ACOT1: variants seen among roughly 807,000 people sequenced by gnomAD.
The protein encoded by ACOT1 is acyl-CoA thioesterase 1, also known as acyl-coenzyme A thioesterase 1.
A neutral mutation model predicts 15.7 loss-of-function variants in ACOT1; 8 were observed. That is an observed-to-expected ratio of 0.51 (90% CI 0.30 to 0.92). ACOT1 has a LOEUF of 0.92. ACOT1 is among the 40% of genes least tolerant of loss of function. The pLI, the probability that ACOT1 is intolerant of heterozygous loss-of-function variation, is 0.06. For synonymous variants in ACOT1, 67 were observed against 241.2 expected, an observed-to-expected ratio of 0.28 and a Z score of 6.69; for missense variants, 151 against 539.4, an observed-to-expected ratio of 0.28 and a Z score of 7.13.
the ACOT1 span, among the ~76,000 whole-genome samples, chr14:73,529,354 C>CAAAAAA: frequency 1.1e-5 from 1 of 87,422 alleles, no homozygotes; most frequent in African/African-American, 4.5e-5. Context: ...GACTCTGTCT[C>CAAAAAA]AAAAAAAAAA....
chr14:73,499,064 A>G, the ACOT1 span: 14 of 1,613,152 alleles, frequency 8.7e-6, no homozygotes, highest in South Asian at 7.7e-5. Flanking sequence ...CACTACTTCT[A>G]TAATACCTCG....
the ACOT1 span, chr14:73,493,124 T>G: frequency 1.9e-6 from 3 of 1,612,708 alleles, no homozygotes; most frequent in Non-Finnish European, 2.5e-6. Context: ...AACCATCTCA[T>G]CTAGGTACAA....
chr14:73,519,111 C>T, the ACOT1 span: 1 of 1,613,872 alleles, frequency 6.2e-7, no homozygotes, highest in African/African-American at 1.3e-5. Context: ...TTAGGTTTTC[C>T]AGGACAATCT....
At chr14:73,519,145 T>C in the ACOT1 span, 1 of 1,613,284 alleles carries the variant, frequency 6.2e-7, no homozygotes, top group Non-Finnish European at 8.5e-7. Context: ...ACCAATCTGG[T>C]GGATGATCTG....
chr14:73,528,158 GCTGAGGTGGGCAGATCAC>G, the ACOT1 span, among the ~76,000 whole-genome samples: 1 of 152,054 alleles, frequency 6.6e-6, no homozygotes, highest in Non-Finnish European at 1.5e-5. Flanking sequence ...ACTTTGGGAG[GCTGAGGTGGGCAGATCAC>G]CTGAGGTCAG....
rs185735776 is a variant in ACOT1, at chr14:73,539,451, C to T, written c.457+1573C>T. On this transcript the variant is annotated intron_variant, in intron 1 of 2. Transcript: ENST00000311148. ...GGACTCCAGGTGCTGCTCTACCCAGCGGTGCTTCTCACCCACACAGTGGTC... is the reference window on the plus strand; with the variant it reads ...GGACTCCAGGTGCTGCTCTACCCAGTGGTGCTTCTCACCCACACAGTGGTC... The T allele has an allele frequency of 3.0e-4, 36 of 121,740 alleles. 11 individuals carry two copies. The highest frequency in any genetic ancestry group is 5.1e-4 in the Non-Finnish European group (29 of 56,398). 7.5% of individuals were successfully genotyped at this position (121,740 alleles called of 1,614,324 possible).
the ACOT1 span, chr14:73,495,422 C>T: frequency 1.3e-6 from 2 of 1,562,958 alleles, no homozygotes; most frequent in South Asian, 1.1e-5. Context: ...AAAAACAAAA[C>T]AAAACACCTG....
chr14:73,530,794 A>ATTTTTTTT, the ACOT1 span, among the ~76,000 whole-genome samples: 2 of 57,788 alleles, frequency 3.5e-5, no homozygotes, highest in Non-Finnish European at 6.4e-5. Context: ...TCTCGGTTAA[A>ATTTTTTTT]TTTTTTTTTT....
the ACOT1 span, among the ~76,000 whole-genome samples, chr14:73,504,938 T>C: frequency 1.3e-5 from 2 of 152,018 alleles, no homozygotes; most frequent in African/African-American, 4.8e-5. Context: ...ACAGTTGGTT[T>C]GTTTTTTTTT....
chr14:73,505,350 A>T, the ACOT1 span, among the ~76,000 whole-genome samples: 6 of 151,854 alleles, frequency 4.0e-5, no homozygotes, highest in Non-Finnish European at 8.8e-5. Context: ...TTCCTACCAT[A>T]GTGTTAATTT....
At chr14:73,493,845 AAAAC>A in the ACOT1 span, among the ~76,000 whole-genome samples, 119 of 152,328 alleles carry the variant, frequency 7.8e-4, 2 homozygotes, top group South Asian at 0.024. Context: ...CTCAAAAACA[AAAAC>A]AAAAACAAAA....
chr14:73,504,595 G>A, the ACOT1 span, among the ~76,000 whole-genome samples: 1 of 152,106 alleles, frequency 6.6e-6, no homozygotes, highest in Non-Finnish European at 1.5e-5. Flanking sequence ...GCTGGTCCAG[G>A]ACTTTAGCAG....
At chr14:73,498,434 T>G in the ACOT1 span, 1 of 1,131,836 alleles carries the variant, frequency 8.8e-7, no homozygotes, top group Non-Finnish European at 1.2e-6. Flanking sequence ...AAACAATACC[T>G]TCCCTTTTGG....
the ACOT1 span, chr14:73,498,940 G>A: frequency 1.3e-6 from 1 of 755,808 alleles, no homozygotes; most frequent in Middle Eastern, 2.4e-4. Flanking sequence ...TTCAGACAAG[G>A]AACTTCTGAA....
chr14:73,513,491 C>T, the ACOT1 span, among the ~76,000 whole-genome samples: 4 of 151,254 alleles, frequency 2.6e-5, no homozygotes, highest in African/African-American at 4.9e-5. Flanking sequence ...GCGCGGTGGC[C>T]AAGGCGGGCA....
At chr14:73,491,345 C>T in the ACOT1 span, 3 of 1,441,502 alleles carry the variant, frequency 2.1e-6, no homozygotes, top group African/African-American at 1.5e-5. Context: ...GGAGGCCTCG[C>T]CCGCCGCGCG....
the ACOT1 span, among the ~76,000 whole-genome samples, chr14:73,517,655 G>A: frequency 8.3e-6 from 1 of 120,200 alleles, no homozygotes; most frequent in South Asian, 3.0e-4. Context: ...GAAACAGAGT[G>A]AGACCCTGTC....
At chr14:73,508,392 T>C in the ACOT1 span, 1 of 950,048 alleles carries the variant, frequency 1.1e-6, no homozygotes, top group Non-Finnish European at 1.6e-6. Context: ...CCCCACCTGA[T>C]ATCTCACTTC....
chr14:73,522,988 G>T, the ACOT1 span: 1 of 1,614,108 alleles, frequency 6.2e-7, no homozygotes, highest in Non-Finnish European at 8.5e-7. Context: ...GGTGTAGACG[G>T]TACTGTGAGC....
Sources: allele counts gnomAD v4.1 joint callset (sites outside exome capture counted in the v4.1 genomes callset), GRCh38; gene constraint gnomAD v4.1.1; transcripts MANE v1.5; gene names NCBI Gene and HGNC (gene_info 2026-07-23, HGNC 2026-07-21).